The following BTBD9 variants were observed in gnomAD, a reference collection of about 807,000 sequenced individuals.
BTBD9 encodes the protein BTB/POZ domain-containing protein 9.
BTBD9 carries 49 observed loss-of-function variants against 64.3 expected under a neutral mutation model. The ratio of observed to expected loss-of-function variants is 0.76; its 90% CI spans 0.61 to 0.97. BTBD9 has a LOEUF of 0.97. BTBD9 is among the 50% of genes least tolerant of loss of function. The pLI, the probability that BTBD9 is intolerant of heterozygous loss-of-function variation, is 0.00. For synonymous variants in BTBD9, 260 were observed against 274.7 expected (o/e 0.95, Z 0.53); for missense variants, 598 against 762.1 (o/e 0.78, Z 2.53).
chr6:38,193,210 G>A lies in BTBD9; in HGVS notation c.1563-613C>T, dbSNP rs78780335. Among the ~76,000 whole-genome samples, 817 of 152,264 alleles carry A rather than the reference G, an allele frequency of 5.4e-3. 8 individuals carry two copies. The highest frequency in any genetic ancestry group is 0.019 in the African/African-American group (772 of 41,538). On this transcript the variant is annotated intron_variant, in intron 9 of 10. Coordinates refer to ENST00000481247, the MANE Select transcript of BTBD9 (RefSeq NM_001099272.2). ...TCGTTCATCAGATGCGCATCTGAGC[G>A]GGAGCAGCTACTCAGCTCGGCAGGC...
chr6:38,209,182 G>C (rs1931766), intron 9 of BTBD9, among the ~76,000 whole-genome samples: 124,731 of 151,962 alleles, frequency 0.82, 51,348 homozygotes, highest in East Asian at 0.97. Context: ...CTCTCTTACT[G>C]CCTGCGCCTG....
chr6:38,284,970 A>G (rs1311358550), intron 8 of BTBD9, among the ~76,000 whole-genome samples: 3 of 141,308 alleles, frequency 2.1e-5, no homozygotes, highest in Non-Finnish European at 4.7e-5. Flanking sequence ...AGGCTGTGAC[A>G]GAGTCCAGAG....
chr6:38,593,512 T>TAA (rs760855130), intron 3 of BTBD9, among the ~76,000 whole-genome samples: 2 of 152,180 alleles, frequency 1.3e-5, no homozygotes, highest in Non-Finnish European at 2.9e-5. Flanking sequence ...TTACTCTAGC[T>TAA]ATAATACTGA....
chr6:38,241,554 T>G (rs190400834), intron 9 of BTBD9, among the ~76,000 whole-genome samples: 2 of 152,230 alleles, frequency 1.3e-5, no homozygotes, highest in Non-Finnish European at 2.9e-5. Context: ...GAAAAGTGTA[T>G]GAGCAGAAAG....
chr6:38,341,509 A>G (rs1426778056), intron 7 of BTBD9, among the ~76,000 whole-genome samples: 7 of 152,242 alleles, frequency 4.6e-5, no homozygotes, highest in Non-Finnish European at 2.9e-5. Flanking sequence ...TTGGATAACT[A>G]GTAGGGCATT....
At chr6:38,319,189 A>G (rs979578760) in intron 7 of BTBD9, among the ~76,000 whole-genome samples, 2 of 152,112 alleles carry the variant, frequency 1.3e-5, no homozygotes, top group Admixed American at 1.3e-4. Flanking sequence ...GTAGGTCCAG[A>G]AATGTTGTCC....
chr6:38,577,610 G>C lies in BTBD9; in HGVS notation c.1144C>G (p.Arg382Gly), dbSNP rs752811292. The change falls in exon 6 of 11, where the codon CGT (arginine) becomes GGT (glycine). Residue 382 changes from arginine to glycine, a missense_variant. Physicochemically the swap from Arg to Gly is moderately radical, Grantham distance 125. Coordinates refer to ENST00000481247, the MANE Select transcript of BTBD9 (RefSeq NM_001099272.2). ...RSWQKLYFPARVCRYIRIVGT... is the reference protein window; with the variant it reads ...RSWQKLYFPAGVCRYIRIVGT... ...CCACTGAAAACTAACCTGCAGACAC[G>C]GGCTGGAAAATATAATTTCTGCCAA... 8 of 1,606,908 alleles carry C rather than the reference G, an allele frequency of 5.0e-6. No individual in the cohort carries two copies. Among genetic ancestry groups the C allele is most frequent in the Non-Finnish European group, 6.8e-6 (8 of 1,178,980 alleles).
intron 8 of BTBD9, among the ~76,000 whole-genome samples, chr6:38,265,452 G>A (rs1376270032): frequency 5.9e-5 from 9 of 151,726 alleles, no homozygotes. Flanking sequence ...TGGAAAGCTG[G>A]ATGGGGCAAA....
chr6:38,204,430 C>T (rs983285029), intron 9 of BTBD9, among the ~76,000 whole-genome samples: 1 of 151,738 alleles, frequency 6.6e-6, no homozygotes, highest in African/African-American at 2.4e-5. Flanking sequence ...TATGATGAAC[C>T]CGCTAAGTGA....
chr6:38,519,365 C>T (rs554811494), intron 6 of BTBD9, among the ~76,000 whole-genome samples: 2 of 152,214 alleles, frequency 1.3e-5, no homozygotes, highest in Admixed American at 6.5e-5. Context: ...AATACCTATG[C>T]TGAAGTATTT....
At position 38,214,637 on chromosome 6, in the gene BTBD9, C is replaced by T. The variant is rs139177906; in HGVS notation, c.1563-22040G>A. On this transcript the variant is annotated intron_variant, in intron 9 of 10. Transcript: ENST00000481247. ...AGGTCGCGTGCTTTTTGTGAGGAAT[C>T]CTAATTCCCCTCAAACCAGCAACCC... Among the ~76,000 whole-genome samples, 224 of 152,214 alleles carry T rather than the reference C, an allele frequency of 1.5e-3. 5 individuals carry two copies. The East Asian group carries it at 0.031, about 21-fold the overall frequency.
intron 6 of BTBD9, among the ~76,000 whole-genome samples, chr6:38,539,784 A>C (rs974136178): frequency 6.6e-6 from 1 of 152,240 alleles, no homozygotes; most frequent in Non-Finnish European, 1.5e-5. Flanking sequence ...TGTAAGAGAT[A>C]AATGAGATTT....
At chr6:38,619,193 A>G (rs559143169) in intron 1 of BTBD9, among the ~76,000 whole-genome samples, 2 of 152,302 alleles carry the variant, frequency 1.3e-5, no homozygotes, top group East Asian at 1.9e-4. Context: ...TTTATTACCC[A>G]GTCAGCCACG....
chr6:38,546,448 T>C (rs1262669324), intron 6 of BTBD9, among the ~76,000 whole-genome samples: 2 of 152,248 alleles, frequency 1.3e-5, no homozygotes, highest in Non-Finnish European at 2.9e-5. Context: ...ATTTTTTTAA[T>C]GCAAATATAC....
intron 9 of BTBD9, among the ~76,000 whole-genome samples, chr6:38,205,984 G>A (rs921579582): frequency 2.6e-5 from 4 of 151,656 alleles, no homozygotes; most frequent in Non-Finnish European, 4.4e-5. Context: ...AATGGGATGG[G>A]AGATCCCAGG....
chr6:38,590,335 T>A (rs1582683172), intron 4 of BTBD9, among the ~76,000 whole-genome samples: 1 of 152,216 alleles, frequency 6.6e-6, no homozygotes, highest in African/African-American at 2.4e-5. Context: ...TTAAGTCTCA[T>A]AACAATGCTA....
chr6:38,570,727 T>C (rs1299317760), intron 6 of BTBD9, among the ~76,000 whole-genome samples: 1 of 152,214 alleles, frequency 6.6e-6, no homozygotes, highest in Admixed American at 6.5e-5. Context: ...ACATTTCTCC[T>C]ATGCCTTGCA....
chr6:38,455,277 A>G (rs1424238813), intron 6 of BTBD9, among the ~76,000 whole-genome samples: 1 of 152,146 alleles, frequency 6.6e-6, no homozygotes, highest in Non-Finnish European at 1.5e-5. Flanking sequence ...TTGTAGTGAA[A>G]TTCTCACCTC....
At chr6:38,572,533 A>G (rs1775818725) in intron 6 of BTBD9, among the ~76,000 whole-genome samples, 2 of 152,174 alleles carry the variant, frequency 1.3e-5, no homozygotes, top group Non-Finnish European at 2.9e-5. Flanking sequence ...GAAAAGAAGA[A>G]AAAGGAGGGA....
Sources: allele counts gnomAD v4.1 joint callset (sites outside exome capture counted in the v4.1 genomes callset), GRCh38; gene constraint gnomAD v4.1.1; transcripts MANE v1.5; gene names NCBI Gene and HGNC (gene_info 2026-07-23, HGNC 2026-07-21).